Variants in KDM7A observed in about 807,000 individuals in gnomAD.
KDM7A encodes lysine-specific demethylase 7A.
In KDM7A, 28 loss-of-function variants were observed where a neutral mutation model predicts 114.8. The observed-to-expected ratio is 0.24, with a 90% CI of 0.18 to 0.33. The LOEUF is 0.33. Among genes scored for constraint, KDM7A ranks in the 10% least tolerant of loss-of-function variants. The probability of loss-of-function intolerance (pLI) is 1.00; values close to 1 mark genes in which losing one functional copy is unlikely to be tolerated. For synonymous variants in KDM7A, 423 were observed against 397.8 expected (o/e 1.06, Z -0.75); for missense variants, 942 against 1,142.5 (o/e 0.82, Z 2.53).
rs576261365 is a variant in KDM7A, at chr7:140,164,756, T to C, written c.194+11988A>G. Among the ~76,000 whole-genome samples the C allele has an allele frequency of 2.6e-4, 39 of 152,322 alleles. No individual in the cohort carries two copies. In the South Asian group the frequency reaches 8.1e-3, roughly 32 times the overall value. ...ATTTACATGCTGAAATACTCACAGA[T>C]ATAATGATATGGTATCAGGAATTTG... On this transcript the variant is annotated intron_variant, in intron 1 of 19. Transcript: ENST00000397560.
chr7:140,127,666 TA>T, intron 4 of KDM7A, 83 bp from the exon 5 acceptor site: 2 of 1,160,864 alleles, frequency 1.7e-6, no homozygotes, highest in Non-Finnish European at 2.5e-6. Flanking sequence ...TTTAACTTGG[TA>T]TGATAATTAA....
Position 140,129,658 on chromosome 7 carries a change from G to A in KDM7A, c.399-5C>T, listed in dbSNP as rs775006338. On this transcript the variant is annotated splice_polypyrimidine_tract_variant and splice_region_variant and intron_variant, in intron 3 of 19. Coordinates refer to ENST00000397560, the MANE Select transcript of KDM7A (RefSeq NM_030647.2). ...TTTATAATTATTTCATCGGCACTAAGGAAAAACATAAGAATAAAAATGTCA... is the reference window on the plus strand; with the variant it reads ...TTTATAATTATTTCATCGGCACTAAAGAAAAACATAAGAATAAAAATGTCA... The A allele has an allele frequency of 6.3e-6, 10 of 1,586,536 alleles. No individual in the cohort carries two copies. In the South Asian group the frequency reaches 1.1e-4, roughly 18 times the overall value.
intron 6 of KDM7A, among the ~76,000 whole-genome samples, chr7:140,125,862 A>T (rs1818692892): frequency 6.6e-6 from 1 of 151,838 alleles, no homozygotes; most frequent in African/African-American, 2.4e-5. Flanking sequence ...CAGCCTCTTG[A>T]GTAGCTGTGA....
At chr7:140,147,077 T>C (rs542927036) in intron 1 of KDM7A, among the ~76,000 whole-genome samples, 174 of 152,232 alleles carry the variant, frequency 1.1e-3, no homozygotes, top group African/African-American at 4.1e-3. Context: ...TCCTTGATGA[T>C]ACTTTACTTG....
intron 11 of KDM7A, among the ~76,000 whole-genome samples, chr7:140,103,317 T>A (rs188605082): frequency 3.7e-4 from 56 of 150,890 alleles, no homozygotes; most frequent in East Asian, 1.4e-3. Context: ...TTTTTTTTTT[T>A]ATTTTAATTA....
chr7:140,091,688 T>G, intron 19 of KDM7A, 116 bp downstream of exon 19: 1 of 1,111,944 alleles, frequency 9.0e-7, no homozygotes, highest in South Asian at 1.4e-5. Context: ...ATCACTATGC[T>G]GTCTACTATG....
intron 1 of KDM7A, among the ~76,000 whole-genome samples, chr7:140,165,575 G>T (rs1020085084): frequency 6.6e-6 from 1 of 152,082 alleles, no homozygotes; most frequent in Non-Finnish European, 1.5e-5. Context: ...ACTGCCTGCC[G>T]TCCTGAGCAT....
chr7:140,096,804 T>G (rs966720782), intron 16 of KDM7A, 41 bp from the exon 17 acceptor site: 3 of 1,596,634 alleles, frequency 1.9e-6, no homozygotes, highest in African/African-American at 2.7e-5. Context: ...GTCTATTTTT[T>G]CTGATGACAT....
intron 6 of KDM7A, among the ~76,000 whole-genome samples, chr7:140,125,431 G>T (rs140407173): frequency 1.8e-3 from 273 of 152,328 alleles, no homozygotes; most frequent in South Asian, 5.2e-3. Flanking sequence ...AATGTGCCTA[G>T]TATAAACGAG....
intron 1 of KDM7A, among the ~76,000 whole-genome samples, chr7:140,163,222 C>T (rs1307367745): frequency 6.6e-6 from 1 of 152,094 alleles, no homozygotes; most frequent in African/African-American, 2.4e-5. Flanking sequence ...TCTCAATCTC[C>T]TGACCTCATG....
At position 140,139,264 on chromosome 7, in the gene KDM7A, A is replaced by T. The variant is rs1276929410; in HGVS notation, c.195-74T>A. ...CGCTTAACTATAATACAGTGGTTGG[A>T]ATTTAGCTGAGAAATGTACAACCAC... On this transcript the variant is annotated intron_variant, in intron 1 of 19. Transcript: ENST00000397560. 4 of 959,482 alleles carry T rather than the reference A, an allele frequency of 4.2e-6. No homozygotes were observed. The African/African-American group carries it at 6.5e-5, about 16-fold the overall frequency. The allele number at this position is 959,482 out of a possible 1,614,324, so 59.4% of individuals were successfully genotyped here.
intron 9 of KDM7A, among the ~76,000 whole-genome samples, chr7:140,116,141 C>T (rs1435623629): frequency 6.6e-6 from 1 of 152,190 alleles, no homozygotes; most frequent in Non-Finnish European, 1.5e-5. Flanking sequence ...AGCAATTAGG[C>T]CTGTTTTCTG....
At chr7:140,147,545 C>T (rs1794351768) in intron 1 of KDM7A, among the ~76,000 whole-genome samples, 2 of 152,116 alleles carry the variant, frequency 1.3e-5, no homozygotes, top group Admixed American at 1.3e-4. Flanking sequence ...CCTTCTCATC[C>T]AAAGCACCCA....
At chr7:140,106,185 T>C (rs1818336002) in intron 11 of KDM7A, among the ~76,000 whole-genome samples, 2 of 152,192 alleles carry the variant, frequency 1.3e-5, no homozygotes, top group African/African-American at 4.8e-5. Flanking sequence ...TCTCTTTTCT[T>C]ATTAGTCTTG....
At chr7:140,108,707 A>AC (rs2116766853) in intron 11 of KDM7A, among the ~76,000 whole-genome samples, 1 of 152,280 alleles carries the variant, frequency 6.6e-6, no homozygotes, top group South Asian at 2.1e-4. Context: ...CATTTAGGCT[A>AC]CCCAGGGGTC....
At chr7:140,144,586 G>C (rs1386328449) in intron 1 of KDM7A, among the ~76,000 whole-genome samples, 1 of 152,092 alleles carries the variant, frequency 6.6e-6, no homozygotes, top group African/African-American at 2.4e-5. Flanking sequence ...AAGGTAGAGA[G>C]GTATGAGGAA....
chr7:140,089,412 G>A lies in KDM7A; in HGVS notation c.*1682C>T, dbSNP rs1817985359. On this transcript the variant is annotated 3_prime_UTR_variant, in exon 20 of 20. Coordinates refer to ENST00000397560, the MANE Select transcript of KDM7A (RefSeq NM_030647.2). ...TTTGAATGCAACCATGAAAGATGAT[G>A]GTACAGACTTTTTTCTTCTTAGCAA... The A allele has an allele frequency of 6.6e-6, 1 of 152,158 alleles. No homozygotes were observed. The highest frequency in any genetic ancestry group is 1.5e-5 in the Non-Finnish European group (1 of 68,032). The allele number at this position is 152,158 out of a possible 1,614,324, so 9.4% of individuals were successfully genotyped here.
In KDM7A at chr7:140,176,811, G is replaced by A. The variant is rs756803345; in HGVS notation, c.127C>T (p.Arg43Trp). The change falls in exon 1 of 20, where the codon CGG (arginine) becomes TGG (tryptophan). Residue 43 changes from arginine (R) to tryptophan (W), a missense_variant. By Grantham distance (101) the Arg-to-Trp change is moderately radical (BLOSUM62 -3). Coordinates refer to ENST00000397560, the MANE Select transcript of KDM7A (RefSeq NM_030647.2). This position sits in a 1 kb window ranked among gnomAD's most constrained non-coding sequence, Gnocchi z 4.4. ...PPPPPVYCVC[R>W]QPYDVNRFMI... ...AAGCGGTTCACGTCGTACGGCTGCC[G>A]GCACACACAGTACACGGGCGGGGGC... is the stretch of plus-strand genomic sequence containing the variant. 4 of 1,410,138 alleles carry A rather than the reference G, an allele frequency of 2.8e-6. No individual in the cohort carries two copies. The highest frequency in any genetic ancestry group is 3.8e-6 in the Non-Finnish European group (4 of 1,060,008). 87.4% of individuals were successfully genotyped at this position (1,410,138 alleles called of 1,614,324 possible). A position where few individuals can be genotyped will look rare whatever the true frequency, so the allele number is the denominator to read the frequency against.
At position 140,088,689 on chromosome 7, in the gene KDM7A, C is replaced by A; in HGVS notation, c.*2405G>T. The A allele has an allele frequency of 2.6e-6, 1 of 391,718 alleles. No individual in the cohort carries two copies. Among genetic ancestry groups the A allele is most frequent in the Non-Finnish European group, 4.5e-6 (1 of 221,984 alleles). 24.3% of individuals were successfully genotyped at this position (391,718 alleles called of 1,614,324 possible). ...GGATTCTATTCAAGTGGTTCTATTACCTCGCTGAAAGTTTTCTAACTTAGC... is the reference window on the plus strand; with the variant it reads ...GGATTCTATTCAAGTGGTTCTATTAACTCGCTGAAAGTTTTCTAACTTAGC... On this transcript the variant is annotated 3_prime_UTR_variant, in exon 20 of 20. Coordinates refer to ENST00000397560, the MANE Select transcript of KDM7A (RefSeq NM_030647.2).
Sources: gnomAD v4.1 joint callset for allele counts (sites outside exome capture counted in the v4.1 genomes callset) on GRCh38, gnomAD v4.1.1 for gene constraint, Gnocchi (gnomAD v3.1) non-coding constraint, MANE v1.5 for transcripts, NCBI Gene and HGNC (gene_info 2026-07-23, HGNC 2026-07-21) for gene names.